The following NR3C2 variants were observed in gnomAD, a reference collection of about 807,000 sequenced individuals.
NR3C2 encodes the protein mineralocorticoid receptor.
In NR3C2, 15 loss-of-function variants were observed where a neutral mutation model predicts 86.4. The ratio of observed to expected loss-of-function variants is 0.17; its 90% CI spans 0.12 to 0.27. The LOEUF (loss-of-function observed/expected upper bound fraction) is 0.27. Among genes scored for constraint, NR3C2 ranks in the 10% least tolerant of loss-of-function variants. The pLI, the probability that NR3C2 is intolerant of heterozygous loss-of-function variation, is 1.00. For synonymous variants in NR3C2, 458 were observed against 450.5 expected, an observed-to-expected ratio of 1.02 and a Z score of -0.21; for missense variants, 960 against 1,195.6, an observed-to-expected ratio of 0.80 and a Z score of 2.91.
intron 2 of NR3C2, among the ~76,000 whole-genome samples, chr4:148,261,810 A>G (rs1243750266): frequency 6.6e-6 from 1 of 152,224 alleles, no homozygotes; most frequent in Non-Finnish European, 1.5e-5. Flanking sequence ...CTAAAATGTG[A>G]TAATAATGCG....
chr4:148,239,624 G>GCCACCAGGCCA (rs1738917995), intron 3 of NR3C2, among the ~76,000 whole-genome samples: 1 of 152,204 alleles, frequency 6.6e-6, no homozygotes, highest in Non-Finnish European at 1.5e-5. Context: ...GTGCCTGGAA[G>GCCACCAGGCCA]CCACCAGGCC....
chr4:148,081,355 G>A lies in NR3C2; in HGVS notation c.2944C>T (p.His982Tyr), dbSNP rs138068105. ...TGGGCAGCGGGCAGTCACTTCCGGT[G>A]GAAGTAGAGCGGCTTGGCGTTCCCC... Reference protein sequence around the residue: ...ESGNAKPLYFHRK With the variant: ...ESGNAKPLYFYRK Residue 982 changes from histidine to tyrosine, a missense_variant, in exon 9 of 9, where the codon CAC becomes TAC. His to Tyr is a moderately conservative substitution (Grantham distance 83). Transcript: ENST00000358102. 1.2e-5 allele frequency: 19 copies of A among 1,614,082 alleles called. No homozygotes were observed. The highest frequency in any genetic ancestry group is 1.5e-5 in the Non-Finnish European group (18 of 1,180,036).
At chr4:148,249,074 G>A (rs1035051750) in intron 3 of NR3C2, among the ~76,000 whole-genome samples, 5 of 152,038 alleles carry the variant, frequency 3.3e-5, no homozygotes, top group African/African-American at 1.2e-4. Flanking sequence ...ACCTACAATG[G>A]TGCCGCCTTT....
At chr4:148,104,877 T>C (rs1463241002) in intron 8 of NR3C2, among the ~76,000 whole-genome samples, 2 of 152,236 alleles carry the variant, frequency 1.3e-5, no homozygotes, top group Admixed American at 1.3e-4. Flanking sequence ...ACTCTTTCTG[T>C]TGTCCGCAGT....
intron 2 of NR3C2, among the ~76,000 whole-genome samples, chr4:148,373,646 T>G (rs1746530447): frequency 6.6e-6 from 1 of 151,880 alleles, no homozygotes; most frequent in Non-Finnish European, 1.5e-5. Context: ...GGCTAATTTT[T>G]TGTATTTTTT....
chr4:148,278,593 A>G (rs2149893711), intron 2 of NR3C2, among the ~76,000 whole-genome samples: 1 of 151,906 alleles, frequency 6.6e-6, no homozygotes. Flanking sequence ...ACACACCCAC[A>G]CCCACACCCA....
At chr4:148,441,657 C>G (rs1446108191) in intron 1 of NR3C2, among the ~76,000 whole-genome samples, 1 of 152,176 alleles carries the variant, frequency 6.6e-6, no homozygotes, top group Admixed American at 6.5e-5. Context: ...CCATAGGAAG[C>G]GTAGCCTGTC....
chr4:148,266,935 T>C (rs543551838), intron 2 of NR3C2, among the ~76,000 whole-genome samples: 4 of 152,328 alleles, frequency 2.6e-5, no homozygotes, highest in South Asian at 4.1e-4. Flanking sequence ...TTAACTGATA[T>C]CTAAGATGGG....
intron 4 of NR3C2, among the ~76,000 whole-genome samples, chr4:148,188,630 TA>T (rs1736048390): frequency 6.6e-6 from 1 of 152,142 alleles, no homozygotes; most frequent in Non-Finnish European, 1.5e-5. Flanking sequence ...AGGAGGTTTC[TA>T]GGGGGGTCCT....
chr4:148,357,360 T>G (rs979289628), intron 2 of NR3C2, among the ~76,000 whole-genome samples: 1 of 152,168 alleles, frequency 6.6e-6, no homozygotes, highest in African/African-American at 2.4e-5. Flanking sequence ...TACCTATGCT[T>G]TTTAATGTTA....
At chr4:148,141,084 G>A (rs1003531218) in intron 6 of NR3C2, among the ~76,000 whole-genome samples, 2 of 152,196 alleles carry the variant, frequency 1.3e-5, no homozygotes. Context: ...TCTGACCCAT[G>A]TGCCAGAAAG....
At chr4:148,264,556 C>T (rs1421875284) in intron 2 of NR3C2, among the ~76,000 whole-genome samples, 1 of 152,186 alleles carries the variant, frequency 6.6e-6, no homozygotes, top group Non-Finnish European at 1.5e-5. Flanking sequence ...GGAATGGAGG[C>T]TCACTAAGGA....
At chr4:148,179,590 T>C (rs1735551646) in intron 4 of NR3C2, among the ~76,000 whole-genome samples, 3 of 151,748 alleles carry the variant, frequency 2.0e-5, no homozygotes, top group Admixed American at 1.3e-4. Context: ...CCTGCACTGC[T>C]TCTGTTCTAA....
intron 3 of NR3C2, among the ~76,000 whole-genome samples, chr4:148,211,200 GA>G (rs1162920321): frequency 6.6e-5 from 10 of 152,212 alleles, no homozygotes; most frequent in African/African-American, 2.4e-4. Context: ...GGCAGTCAAA[GA>G]TAAGGGAAAT....
intron 4 of NR3C2, among the ~76,000 whole-genome samples, chr4:148,187,697 C>A (rs761966718): frequency 6.6e-6 from 1 of 152,102 alleles, no homozygotes; most frequent in Non-Finnish European, 1.5e-5. Context: ...CTGTTCCTTT[C>A]GCTGTGCAAA....
At chr4:148,093,927 T>C (rs1247292612) in intron 8 of NR3C2, among the ~76,000 whole-genome samples, 1 of 151,992 alleles carries the variant, frequency 6.6e-6, no homozygotes, top group African/African-American at 2.4e-5. Context: ...GGAGAAGATA[T>C]TTTCAGTCAT....
chr4:148,161,433 T>A (rs1431023826), intron 4 of NR3C2, among the ~76,000 whole-genome samples: 1 of 151,874 alleles, frequency 6.6e-6, no homozygotes, highest in Non-Finnish European at 1.5e-5. Context: ...CACTGCAACC[T>A]CCGTCTCCTG....
intron 2 of NR3C2, among the ~76,000 whole-genome samples, chr4:148,276,004 A>T (rs1254546390): frequency 1.3e-5 from 2 of 152,186 alleles, no homozygotes; most frequent in Non-Finnish European, 2.9e-5. Flanking sequence ...ACAAAATTCC[A>T]TAGTACTATT....
intron 2 of NR3C2, among the ~76,000 whole-genome samples, chr4:148,384,047 G>C (rs1747140821): frequency 6.6e-6 from 1 of 151,050 alleles, no homozygotes; most frequent in Non-Finnish European, 1.5e-5. Flanking sequence ...TGGTTTGTAA[G>C]AACCAGGATT....
Sources: allele counts gnomAD v4.1 joint callset (sites outside exome capture counted in the v4.1 genomes callset), GRCh38; gene constraint gnomAD v4.1.1; transcripts MANE v1.5; gene names NCBI Gene and HGNC (gene_info 2026-07-23, HGNC 2026-07-21).